Variants in RABGAP1L observed in about 807,000 individuals in gnomAD.
RABGAP1L encodes the protein RAB GTPase activating protein 1 like.
RABGAP1L carries 63 observed loss-of-function variants against 137.7 expected under a neutral mutation model. The observed-to-expected ratio is 0.46, with a 90% confidence interval of 0.37 to 0.56. The LOEUF is 0.56. Among genes scored for constraint, RABGAP1L ranks in the 20% least tolerant of loss-of-function variants. The pLI is 0.00. For missense variants in RABGAP1L, 1,095 were observed against 1,244.0 expected, an observed-to-expected ratio of 0.88 and a Z score of 1.80; for synonymous variants, 431 against 433.7, an observed-to-expected ratio of 0.99 and a Z score of 0.08.
At chr1:174,203,018 C>T (rs1668243169) in intron 1 of RABGAP1L, among the ~76,000 whole-genome samples, 1 of 152,050 alleles carries the variant, frequency 6.6e-6, no homozygotes, top group Non-Finnish European at 1.5e-5. Flanking sequence ...AATTAGATCC[C>T]ACTTGTCCTT....
At chr1:174,915,559 C>T (rs568917822) in intron 19 of RABGAP1L, among the ~76,000 whole-genome samples, 12 of 152,274 alleles carry the variant, frequency 7.9e-5, no homozygotes, top group South Asian at 6.2e-4. Flanking sequence ...CAGGTTCAAG[C>T]GATTCTCCTG....
chr1:174,937,044 A>T (rs1469728607), intron 19 of RABGAP1L, among the ~76,000 whole-genome samples: 15 of 126,360 alleles, frequency 1.2e-4, no homozygotes, highest in African/African-American at 4.5e-4. Context: ...CAGTGGTATG[A>T]TCTCGGCTCA....
chr1:174,673,776 T>C (rs1677360562), intron 14 of RABGAP1L, among the ~76,000 whole-genome samples: 1 of 152,160 alleles, frequency 6.6e-6, no homozygotes, highest in Non-Finnish European at 1.5e-5. Flanking sequence ...AATTCTTATA[T>C]GGACTGGGGT....
chr1:174,241,444 A>T, intron 4 of RABGAP1L, 39 bp from the exon 5 acceptor site: 1 of 1,347,070 alleles, frequency 7.4e-7, no homozygotes. Context: ...GTTCTTCGAG[A>T]ATTAATATTT....
intron 5 of RABGAP1L, among the ~76,000 whole-genome samples, chr1:174,249,631 CTTCTTTCTTTCT>C (rs372511581): frequency 1.4e-5 from 2 of 143,572 alleles, no homozygotes; most frequent in Non-Finnish European, 3.1e-5. Flanking sequence ...AAAGGAATTC[CTTCTTTCTTTCT>C]TTCTTTCTTT....
intron 10 of RABGAP1L, among the ~76,000 whole-genome samples, chr1:174,300,894 G>T (rs74738307): frequency 0.011 from 1,651 of 152,264 alleles, 30 homozygotes; most frequent in African/African-American, 0.038. Context: ...ATGAATCAAT[G>T]TCTGAGAACT....
intron 23 of RABGAP1L, 40 bp downstream of exon 23, chr1:174,978,930 G>T: frequency 6.9e-7 from 1 of 1,456,724 alleles, no homozygotes; most frequent in South Asian, 1.5e-5. Flanking sequence ...GTTATAGTTT[G>T]CTGCTATAAA....
chr1:174,626,051 C>A (rs1046903847), intron 13 of RABGAP1L, among the ~76,000 whole-genome samples: 3 of 152,196 alleles, frequency 2.0e-5, no homozygotes, highest in Non-Finnish European at 4.4e-5. Context: ...AGCTATGGTG[C>A]TTTATCCTAA....
intron 13 of RABGAP1L, among the ~76,000 whole-genome samples, chr1:174,616,555 G>T (rs925056842): frequency 6.6e-6 from 1 of 152,136 alleles, no homozygotes; most frequent in Non-Finnish European, 1.5e-5. Flanking sequence ...GGGGTATTCA[G>T]ACATGGACAC....
chr1:174,380,580 G>T (rs1241023362), intron 12 of RABGAP1L, among the ~76,000 whole-genome samples: 1 of 152,044 alleles, frequency 6.6e-6, no homozygotes, highest in Admixed American at 6.5e-5. Context: ...TTGCGTAGAG[G>T]TGTTTGTAGT....
intron 19 of RABGAP1L, among the ~76,000 whole-genome samples, chr1:174,857,658 T>G (rs1649545807): frequency 6.6e-6 from 1 of 152,182 alleles, no homozygotes; most frequent in African/African-American, 2.4e-5. Flanking sequence ...AACTGATTGA[T>G]GAATTTCAAT....
chr1:174,752,236 A>G, intron 17 of RABGAP1L, 77 bp from the exon 18 acceptor site: 1 of 1,011,296 alleles, frequency 9.9e-7, no homozygotes, highest in South Asian at 1.5e-5. Flanking sequence ...TATTAAATAT[A>G]TGTGGAAGTC....
chr1:174,195,616 T>TTC (rs1553251413), intron 1 of RABGAP1L, among the ~76,000 whole-genome samples: 1,467 of 57,412 alleles, frequency 0.026, 73 homozygotes, highest in East Asian at 0.062. Flanking sequence ...TTTCTTTCTT[T>TTC]CTTCCTTCCT....
chr1:174,258,049 C>G (rs1673266851), intron 7 of RABGAP1L, among the ~76,000 whole-genome samples: 1 of 152,140 alleles, frequency 6.6e-6, no homozygotes, highest in Non-Finnish European at 1.5e-5. Context: ...TGTTAATTGA[C>G]TAAGATTTCT....
chr1:174,327,997 A>G (rs1446580887), intron 11 of RABGAP1L, among the ~76,000 whole-genome samples: 14 of 97,056 alleles, frequency 1.4e-4, no homozygotes, highest in African/African-American at 3.5e-4. Flanking sequence ...ATATATATAT[A>G]TATATATATA....
chr1:174,244,705 A>G (rs1672111889), intron 5 of RABGAP1L: 1 of 152,232 alleles, frequency 6.6e-6, no homozygotes, highest in East Asian at 1.9e-4. Context: ...CAGAAAGTGT[A>G]GTGAAAAAAA....
intron 19 of RABGAP1L, among the ~76,000 whole-genome samples, chr1:174,888,455 C>A (rs1376743147): frequency 8.5e-5 from 13 of 152,158 alleles, no homozygotes; most frequent in Non-Finnish European, 1.5e-5. Flanking sequence ...TCATGCCTTC[C>A]ACTTTCTCTC....
Position 174,276,803 on chromosome 1 carries a change from G to A in RABGAP1L, c.1156+868G>A, listed in dbSNP as rs548831371. 9.2e-5 allele frequency among the ~76,000 whole-genome samples: 14 copies of A among 151,896 alleles called. 1 individual carries two copies. Among genetic ancestry groups the A allele is most frequent in the African/African-American group, 3.4e-4 (14 of 41,464 alleles). On this transcript the variant is annotated intron_variant, in intron 9 of 25. Transcript: ENST00000681986. ...TAAATGTTGAATAGTCACATTTTTC[G>A]TTGTTCCATTGTGTTTTTTCATTCC...
At chr1:174,393,663 C>G (rs963659632) in intron 12 of RABGAP1L, among the ~76,000 whole-genome samples, 1 of 152,070 alleles carries the variant, frequency 6.6e-6, no homozygotes, top group Admixed American at 6.6e-5. Flanking sequence ...CCAGATGGTT[C>G]TTTTTATGCC....
Sources: gnomAD v4.1 joint callset for allele counts (sites outside exome capture counted in the v4.1 genomes callset) on GRCh38, gnomAD v4.1.1 for gene constraint, MANE v1.5 for transcripts, NCBI Gene and HGNC (gene_info 2026-07-23, HGNC 2026-07-21) for gene names.